Variants in GAPVD1 observed in about 807,000 individuals in gnomAD.
GAPVD1 encodes the protein GTPase activating protein and VPS9 domains 1, also known as GTPase-activating protein and VPS9 domain-containing protein 1.
A neutral mutation model predicts 155.5 loss-of-function variants in GAPVD1; 35 were observed. The ratio of observed to expected loss-of-function variants is 0.23; its 90% CI spans 0.17 to 0.30. The LOEUF (loss-of-function observed/expected upper bound fraction) is 0.30. Ranked by LOEUF, GAPVD1 falls within the 10% of genes least tolerant of loss-of-function variation. The probability of loss-of-function intolerance (pLI) is 1.00; values close to 1 mark genes in which losing one functional copy is unlikely to be tolerated. For synonymous variants in GAPVD1, 636 were observed against 619.7 expected (o/e 1.03, Z -0.39); for missense variants, 1,429 against 1,775.7 (o/e 0.80, Z 3.51).
chr9:125,322,599 T>A (rs1386279404), intron 10 of GAPVD1, among the ~76,000 whole-genome samples: 3 of 152,200 alleles, frequency 2.0e-5, no homozygotes. Context: ...TGTAACCTTT[T>A]GTAATTTAAT....
intron 15 of GAPVD1, among the ~76,000 whole-genome samples, chr9:125,335,708 A>G (rs920135908): frequency 1.4e-4 from 22 of 152,160 alleles, no homozygotes; most frequent in Non-Finnish European, 2.5e-4. Flanking sequence ...CTCCCAAACC[A>G]GAGTAGGTTC....
At chr9:125,284,478 A>G (rs570771886) in intron 2 of GAPVD1, among the ~76,000 whole-genome samples, 13 of 149,318 alleles carry the variant, frequency 8.7e-5, no homozygotes, top group African/African-American at 3.2e-4. Context: ...GCGCCTGGCA[A>G]CTTTTTTTTT....
At chr9:125,325,183 C>G (rs1254843708) in intron 11 of GAPVD1, among the ~76,000 whole-genome samples, 1 of 151,538 alleles carries the variant, frequency 6.6e-6, no homozygotes, top group Non-Finnish European at 1.5e-5. Context: ...TGAGATCGCA[C>G]CACTGCACTC....
intron 2 of GAPVD1, chr9:125,287,754 C>A (rs1330883469): frequency 2.0e-5 from 3 of 151,964 alleles, no homozygotes; most frequent in Non-Finnish European, 4.4e-5. Context: ...TATTTTATAT[C>A]TTTTGAGATG....
chr9:125,305,207 C>A, intron 6 of GAPVD1, 58 bp downstream of exon 6: 1 of 1,117,184 alleles, frequency 9.0e-7, no homozygotes, highest in South Asian at 1.3e-5. Context: ...TAACTGTTCT[C>A]TTTATTAAAT....
At chr9:125,278,182 T>C (rs1156600838) in intron 2 of GAPVD1, among the ~76,000 whole-genome samples, 1 of 152,164 alleles carries the variant, frequency 6.6e-6, no homozygotes, top group African/African-American at 2.4e-5. Context: ...CACTCATCTA[T>C]TGTATGGATT....
rs557330552 is a variant in GAPVD1 at position 125,291,091 on chromosome 9, A to G, written c.-149-4367A>G. Among the ~76,000 whole-genome samples, 5 of 152,034 alleles carry G rather than the reference A, an allele frequency of 3.3e-5. No individual in the cohort carries two copies. In the Middle Eastern group the frequency reaches 0.017, roughly 524 times the overall value. On this transcript the variant is annotated intron_variant, in intron 2 of 27. Transcript: ENST00000297933. The stretch of plus-strand genomic sequence containing the variant: ...CACTTGAGCCCAGGAGTTTGGGACC[A>G]GCCTAGGCAACATAGGGAGACCTCA...
chr9:125,300,214 C>T (rs1413975748), intron 4 of GAPVD1, among the ~76,000 whole-genome samples: 1 of 145,748 alleles, frequency 6.9e-6, no homozygotes, highest in East Asian at 2.0e-4. Flanking sequence ...TGGAGTCTCG[C>T]TCTGTCCCCC....
chr9:125,355,992 G>C, intron 25 of GAPVD1, 135 bp downstream of exon 25: 1 of 630,962 alleles, frequency 1.6e-6, no homozygotes, highest in Non-Finnish European at 2.9e-6. Context: ...TTTTTCACCT[G>C]TCAGAGTTAC....
At position 125,360,445 on chromosome 9, in the gene GAPVD1, C is replaced by T. The variant is rs1850738251; in HGVS notation, c.4045-83C>T. 2.8e-6 allele frequency: 3 copies of T among 1,057,832 alleles called. No individual in the cohort carries two copies. In the South Asian group the frequency reaches 4.0e-5, roughly 14 times the overall value. The allele number at this position is 1,057,832 out of a possible 1,614,324, so 65.5% of individuals were successfully genotyped here. On this transcript the variant is annotated intron_variant, in intron 26 of 27. Transcript: ENST00000297933. ...AAAAAGCAACCACATTATCCTCTGCCTCCTGACACGGAGGTTGCAGTAGTC... is the reference window on the plus strand; with the variant it reads ...AAAAAGCAACCACATTATCCTCTGCTTCCTGACACGGAGGTTGCAGTAGTC...
chr9:125,273,600 C>T (rs1472356473), intron 2 of GAPVD1, among the ~76,000 whole-genome samples: 1 of 151,378 alleles, frequency 6.6e-6, no homozygotes, highest in Non-Finnish European at 1.5e-5. Flanking sequence ...TGCAGAATGT[C>T]ACAGGTCCAG....
At chr9:125,308,291 A>G (rs1384379957) in intron 8 of GAPVD1, 1 of 187,222 alleles carries the variant, frequency 5.3e-6, no homozygotes, top group Non-Finnish European at 1.1e-5. Context: ...GGCTGCAGTG[A>G]ACCATGATTG....
intron 2 of GAPVD1, among the ~76,000 whole-genome samples, chr9:125,271,646 G>A (rs986479400): frequency 1.3e-5 from 2 of 152,062 alleles, no homozygotes; most frequent in African/African-American, 2.4e-5. Context: ...TGCCTCCCGG[G>A]TTCAAGCGAT....
In GAPVD1 at chr9:125,326,835, AAAAG is replaced by A. The variant is rs999868669; in HGVS notation, c.2032+258_2032+261del. Among the ~76,000 whole-genome samples the A allele has an allele frequency of 2.6e-4, 39 of 152,116 alleles. 1 individual carries two copies. The East Asian group carries it at 3.5e-3, about 14-fold the overall frequency. On this transcript the variant is annotated intron_variant, in intron 12 of 27. Coordinates refer to ENST00000297933, the MANE Select transcript of GAPVD1 (RefSeq NM_001282680.3). ...CCTCCTCCCAGCTGCCCAAAAAAAAAAAAGAAAGAAAGAAAAACCAGTGTTTTGA... is the reference window on the plus strand; with the variant it reads ...CCTCCTCCCAGCTGCCCAAAAAAAAAAAAGAAAGAAAAACCAGTGTTTTGA...
intron 1 of GAPVD1, chr9:125,264,083 T>C: frequency 1.2e-6 from 1 of 822,814 alleles, no homozygotes; most frequent in Non-Finnish European, 2.1e-6. Flanking sequence ...AATGGCAATC[T>C]GGTTCTTTAG....
At chr9:125,310,697 G>A (rs534952966) in intron 8 of GAPVD1, among the ~76,000 whole-genome samples, 54 of 150,948 alleles carry the variant, frequency 3.6e-4, no homozygotes, top group African/African-American at 1.2e-3. Flanking sequence ...GTGCCACCAC[G>A]CCAGCTAATT....
chr9:125,305,327 C>T (rs1051486027), intron 6 of GAPVD1, among the ~76,000 whole-genome samples, 178 bp downstream of exon 6: 9 of 150,898 alleles, frequency 6.0e-5, no homozygotes, highest in South Asian at 2.1e-4. Context: ...GAGATGCCGT[C>T]GTAAGAGAAT....
intron 2 of GAPVD1, among the ~76,000 whole-genome samples, chr9:125,289,134 A>G (rs895119954): frequency 6.6e-6 from 1 of 152,150 alleles, no homozygotes; most frequent in Non-Finnish European, 1.5e-5. Flanking sequence ...GATACTGCCT[A>G]CTTTTACTCC....
rs1161661604 is a variant in GAPVD1 at position 125,293,852 on chromosome 9, TTATATATATATATATATA to T, written c.-149-1571_-149-1554del. Among the ~76,000 whole-genome samples, 94 of 35,178 alleles carry T rather than the reference TTATATATATATATATATA, an allele frequency of 2.7e-3. 2 individuals are homozygous for T. Among genetic ancestry groups the T allele is most frequent in the Middle Eastern group, 0.014 (1 of 74 alleles). 23.1% of individuals were successfully genotyped at this position (35,178 alleles called of 152,430 possible). A position where few individuals can be genotyped will look rare whatever the true frequency, so the allele number is the denominator to read the frequency against. On this transcript the variant is annotated intron_variant, in intron 2 of 27. Coordinates refer to ENST00000297933, the MANE Select transcript of GAPVD1 (RefSeq NM_001282680.3). ...AAAAATATATATATAAAAATATATTTTATATATATATATATATATATATATATATATATATATATATAT... is the reference window on the plus strand; with the variant it reads ...AAAAATATATATATAAAAATATATTTTATATATATATATATATATATATAT...
Sources: gnomAD v4.1 joint callset for allele counts (sites outside exome capture counted in the v4.1 genomes callset) on GRCh38, gnomAD v4.1.1 for gene constraint, MANE v1.5 for transcripts, NCBI Gene and HGNC (gene_info 2026-07-23, HGNC 2026-07-21) for gene names.